The following UBA6 variants were observed in gnomAD, a reference collection of about 807,000 sequenced individuals.
The protein encoded by UBA6 is ubiquitin-like modifier-activating enzyme 6.
In UBA6, 87 loss-of-function variants were observed where a neutral mutation model predicts 148.3. The observed-to-expected ratio is 0.59, with a 90% CI of 0.49 to 0.70. UBA6 has a LOEUF of 0.70. UBA6 is among the 30% of genes least tolerant of loss of function. The pLI is 0.00. For synonymous variants in UBA6, 376 were observed against 401.0 expected, an observed-to-expected ratio of 0.94 and a Z score of 0.75; for missense variants, 1,186 against 1,241.2, an observed-to-expected ratio of 0.96 and a Z score of 0.67.
chr4:67,623,289 CA>C (rs3830312), intron 30 of UBA6, 67 bp from the exon 31 acceptor site: 43 of 1,122,624 alleles, frequency 3.8e-5, no homozygotes, highest in South Asian at 8.4e-5. Context: ...GACACACACA[CA>C]AAAAAAACCC....
At position 67,633,436 on chromosome 4, in the gene UBA6, T is replaced by C. The variant is rs765492158; in HGVS notation, c.2051A>G (p.Gln684Arg). 1 of 1,610,516 alleles carries C rather than the reference T, an allele frequency of 6.2e-7. No homozygotes were observed. The highest frequency in any genetic ancestry group is 1.1e-5 in the South Asian group (1 of 90,558). Reference sequence around the variant, plus strand: ...TCTTCTGCTAAGTAACTTTATAACTTGAAAACAGCCTTCTAAACTGTGTCC... The same window carrying C: ...TCTTCTGCTAAGTAACTTTATAACTCGAAAACAGCCTTCTAAACTGTGTCC... ...QSGHSLEGCF[Q>R]VIKLLSRRPR... Residue 684 changes from glutamine (Q) to arginine (R), a missense_variant, in exon 23 of 33, where the codon CAA (glutamine) becomes CGA (arginine). By Grantham distance (43) the Gln-to-Arg change is conservative. Transcript: ENST00000322244.
intron 13 of UBA6, among the ~76,000 whole-genome samples, chr4:67,661,009 T>C (rs1293463513): frequency 6.6e-6 from 1 of 152,118 alleles, no homozygotes; most frequent in Non-Finnish European, 1.5e-5. Context: ...AGTCCCTTTG[T>C]TTTGTCCAAT....
At chr4:67,637,910 G>A (rs911984991) in intron 19 of UBA6, among the ~76,000 whole-genome samples, 9 of 149,120 alleles carry the variant, frequency 6.0e-5, no homozygotes, top group Non-Finnish European at 8.9e-5. Context: ...ATCCCCCTAT[G>A]CGAGAAACAC....
intron 32 of UBA6, among the ~76,000 whole-genome samples, chr4:67,619,568 C>T (rs557365886): frequency 1.1e-4 from 16 of 152,154 alleles, no homozygotes; most frequent in Admixed American, 7.8e-4. Flanking sequence ...CCCAGCTACT[C>T]GGGAGGCTGA....
At chr4:67,650,550 A>G (rs1292642790) in intron 13 of UBA6, among the ~76,000 whole-genome samples, 1 of 152,186 alleles carries the variant, frequency 6.6e-6, no homozygotes, top group Admixed American at 6.5e-5. Context: ...GAAGAGAAAT[A>G]AAACAGTGAC....
rs113320248 is a variant in UBA6, at chr4:67,673,879, T to A, written c.466-102A>T. ...CAGTTTGCGTTGTGCTAAAGACACA[T>A]CGCTAATCTCATTGAAAAGTTATAA... On this transcript the variant is annotated intron_variant, in intron 6 of 32. Coordinates refer to ENST00000322244, the MANE Select transcript of UBA6 (RefSeq NM_018227.6). 3.1e-4 allele frequency: 203 copies of A among 646,356 alleles called. 1 individual carries two copies. In the African/African-American group the frequency reaches 3.5e-3, roughly 11 times the overall value. 40.0% of individuals were successfully genotyped at this position (646,356 alleles called of 1,614,324 possible).
intron 9 of UBA6, among the ~76,000 whole-genome samples, chr4:67,665,647 TAAAC>T (rs1403026861): frequency 1.3e-5 from 2 of 151,846 alleles, no homozygotes; most frequent in South Asian, 2.1e-4. Context: ...TACTGGTTAA[TAAAC>T]AGACAACTGG....
intron 8 of UBA6, 69 bp downstream of exon 8, chr4:67,670,401 C>G: frequency 7.1e-7 from 1 of 1,403,074 alleles, no homozygotes; most frequent in Non-Finnish European, 9.9e-7. Flanking sequence ...CTGATACCAC[C>G]TTTCTGAAAA....
At chr4:67,621,174 C>T (rs1269074283) in intron 32 of UBA6, among the ~76,000 whole-genome samples, 1 of 152,118 alleles carries the variant, frequency 6.6e-6, no homozygotes, top group Non-Finnish European at 1.5e-5. Context: ...CTTGCTTGAT[C>T]CAAAAGATAC....
chr4:67,663,614 TG>T, intron 11 of UBA6: 1 of 452,282 alleles, frequency 2.2e-6, no homozygotes, highest in Non-Finnish European at 3.9e-6. Context: ...TACAAGTTAT[TG>T]AAATCGTCTT....
chr4:67,644,855 G>A (rs569196519), intron 16 of UBA6, 77 bp from the exon 17 acceptor site: 15 of 698,116 alleles, frequency 2.1e-5, no homozygotes, highest in East Asian at 1.1e-4. Context: ...ATATTTAACA[G>A]GTTTATTTTA....
At chr4:67,673,045 T>C (rs1477977835) in intron 7 of UBA6, among the ~76,000 whole-genome samples, 3 of 152,270 alleles carry the variant, frequency 2.0e-5, no homozygotes, top group East Asian at 3.9e-4. Context: ...AGTAAAAAAA[T>C]TTGTCTCTAT....
intron 7 of UBA6, among the ~76,000 whole-genome samples, chr4:67,670,986 T>C (rs916905664): frequency 2.3e-4 from 35 of 152,078 alleles, no homozygotes; most frequent in African/African-American, 8.2e-4. Context: ...GAAGTGCTCA[T>C]TTACCAAAAG....
At chr4:67,661,693 T>C (rs1276024320) in intron 13 of UBA6, 4 of 156,660 alleles carry the variant, frequency 2.6e-5, no homozygotes, top group African/African-American at 9.6e-5. Context: ...TTATAGCTGC[T>C]CAAATAAAAC....
chr4:67,619,552 C>G (rs993824966), intron 32 of UBA6, among the ~76,000 whole-genome samples: 2 of 151,964 alleles, frequency 1.3e-5, no homozygotes, highest in Admixed American at 1.3e-4. Context: ...GGCACATGCC[C>G]GTAATCCCAG....
intron 2 of UBA6, among the ~76,000 whole-genome samples, chr4:67,687,977 T>C (rs892548612): frequency 6.6e-6 from 1 of 152,244 alleles, no homozygotes. Flanking sequence ...AAGAAAAATA[T>C]CTGAGAAAGA....
intron 3 of UBA6, 60 bp downstream of exon 3, chr4:67,682,059 T>A (rs1403177675): frequency 7.8e-7 from 1 of 1,273,940 alleles, no homozygotes; most frequent in African/African-American, 1.5e-5. Flanking sequence ...GAAGTTAAGT[T>A]ATTTAAACTA....
At chr4:67,693,254 A>G (rs1730738262) in intron 2 of UBA6, among the ~76,000 whole-genome samples, 1 of 152,138 alleles carries the variant, frequency 6.6e-6, no homozygotes, top group African/African-American at 2.4e-5. Flanking sequence ...CTAATGAACA[A>G]TAAATATATT....
In UBA6 at chr4:67,619,011, G is replaced by C. The variant is rs140327502; in HGVS notation, c.3145C>G (p.His1049Asp). 11 of 1,613,740 alleles carry C rather than the reference G, an allele frequency of 6.8e-6. 1 individual carries two copies. The highest frequency in any genetic ancestry group is 3.3e-4 in the Middle Eastern group (2 of 6,076). ...PGPPVRYYFS[H>D]DTD ...GACAACTTGTATTAATCAGTGTCAT[G>C]ACTGAAGTAGTATCTTACTGGAGGT... The change falls in exon 33 of 33, where the codon CAT (histidine) becomes GAT (aspartate). Residue 1049 changes from histidine (H) to aspartate (D), a missense_variant. His to Asp is a moderately conservative substitution (Grantham distance 81, BLOSUM62 -1). Transcript: ENST00000322244.
Sources: gnomAD v4.1 joint callset for allele counts (sites outside exome capture counted in the v4.1 genomes callset) on GRCh38, gnomAD v4.1.1 for gene constraint, MANE v1.5 for transcripts, NCBI Gene and HGNC (gene_info 2026-07-23, HGNC 2026-07-21) for gene names.